Variants in GNG2 observed in about 807,000 individuals in gnomAD.
GNG2 encodes guanine nucleotide-binding protein G(I)/G(S)/G(O) subunit gamma-2.
In GNG2, 5 loss-of-function variants were observed where a neutral mutation model predicts 5.5. That is an observed-to-expected ratio of 0.91 (90% CI 0.48 to 1.92). The LOEUF is 1.92. Ranked by LOEUF, GNG2 falls within the 30% of genes most tolerant of loss-of-function variation. The probability of loss-of-function intolerance (pLI) is 0.01; values close to 1 mark genes in which losing one functional copy is unlikely to be tolerated. For missense variants in GNG2, 55 were observed against 88.4 expected, an observed-to-expected ratio of 0.62 and a Z score of 1.52; for synonymous variants, 28 against 32.0, an observed-to-expected ratio of 0.88 and a Z score of 0.42.
At chr14:51,896,943 A>C (rs2140171556) in intron 2 of GNG2, among the ~76,000 whole-genome samples, 1 of 152,360 alleles carries the variant, frequency 6.6e-6, no homozygotes, top group Non-Finnish European at 1.5e-5. Context: ...AAAAAGATGA[A>C]TATATGAATT....
chr14:51,908,044 T>A (rs1022048771), intron 2 of GNG2, among the ~76,000 whole-genome samples: 1 of 152,276 alleles, frequency 6.6e-6, no homozygotes, highest in Non-Finnish European at 1.5e-5. Flanking sequence ...AATAGTTTTG[T>A]GGATCTGGAA....
intron 2 of GNG2, among the ~76,000 whole-genome samples, chr14:51,931,741 G>A (rs1417822160): frequency 3.9e-5 from 6 of 152,294 alleles, no homozygotes; most frequent in African/African-American, 1.2e-4. Flanking sequence ...TGGTGAGAAC[G>A]TAAAATGGTT....
At chr14:51,916,674 T>G (rs980482983) in intron 2 of GNG2, among the ~76,000 whole-genome samples, 17 of 152,130 alleles carry the variant, frequency 1.1e-4, no homozygotes, top group Non-Finnish European at 7.4e-5. Flanking sequence ...GGTGGAGCAG[T>G]GCCAGGCTGC....
intron 2 of GNG2, among the ~76,000 whole-genome samples, chr14:51,848,609 A>G (rs1470139269): frequency 6.6e-6 from 1 of 152,200 alleles, no homozygotes; most frequent in African/African-American, 2.4e-5. Flanking sequence ...CTTCTCCTGC[A>G]GGAGGATGTT....
chr14:51,864,771 G>C (rs1448387941), intron 1 of GNG2, among the ~76,000 whole-genome samples: 1 of 152,164 alleles, frequency 6.6e-6, no homozygotes, highest in South Asian at 2.1e-4. Flanking sequence ...CAGAAAGGGA[G>C]GGGAGAAACT....
intron 2 of GNG2, among the ~76,000 whole-genome samples, chr14:51,906,382 AT>A (rs1278869419): frequency 6.6e-6 from 1 of 152,192 alleles, no homozygotes; most frequent in African/African-American, 2.4e-5. Context: ...GTAAATGTAA[AT>A]TTATTCCTGA....
At chr14:51,869,667 C>A (rs1566654503) in intron 1 of GNG2, among the ~76,000 whole-genome samples, 1 of 152,124 alleles carries the variant, frequency 6.6e-6, no homozygotes, top group African/African-American at 2.4e-5. Flanking sequence ...GTGTGTGCCA[C>A]CATGCCCAGC....
chr14:51,908,906 A>G (rs1886124061), intron 2 of GNG2, among the ~76,000 whole-genome samples: 1 of 151,934 alleles, frequency 6.6e-6, no homozygotes, highest in African/African-American at 2.4e-5. Context: ...CTTTGCTTTT[A>G]TAATGTAAAT....
chr14:51,957,739 T>C (rs1326523787), intron 3 of GNG2, among the ~76,000 whole-genome samples: 3 of 152,216 alleles, frequency 2.0e-5, no homozygotes, highest in African/African-American at 7.2e-5. Flanking sequence ...ATTTATTGCA[T>C]TGAGTTGTCC....
chr14:51,892,319 A>T (rs71422043), intron 2 of GNG2, among the ~76,000 whole-genome samples: 20,701 of 148,618 alleles, frequency 0.14, 1,974 homozygotes, highest in African/African-American at 0.27. Flanking sequence ...ATTTTATTTT[A>T]TTTTTTTTTT....
chr14:51,928,342 A>G (rs2091197018), intron 2 of GNG2, among the ~76,000 whole-genome samples: 1 of 152,050 alleles, frequency 6.6e-6, no homozygotes, highest in Non-Finnish European at 1.5e-5. Context: ...TCATGTTTTT[A>G]TTACCGGTGA....
chr14:51,913,224 G>A (rs1886395580), intron 2 of GNG2: 1 of 152,138 alleles, frequency 6.6e-6, no homozygotes, highest in Non-Finnish European at 1.5e-5. Context: ...GCATTAAAAA[G>A]TAGGCCGGGT....
intron 1 of GNG2, among the ~76,000 whole-genome samples, chr14:51,826,391 G>A (rs2140067082): frequency 6.6e-6 from 1 of 152,334 alleles, no homozygotes; most frequent in Admixed American, 6.5e-5. Context: ...GTAATCTAGA[G>A]ATTATTTAAA....
At chr14:51,953,389 G>A (rs1008942372) in intron 3 of GNG2, among the ~76,000 whole-genome samples, 9 of 152,090 alleles carry the variant, frequency 5.9e-5, no homozygotes, top group South Asian at 2.1e-4. Flanking sequence ...TATTATTGAC[G>A]CAAACAAGAT....
At chr14:51,834,179 G>A (rs1881273079) in intron 2 of GNG2, among the ~76,000 whole-genome samples, 1 of 152,230 alleles carries the variant, frequency 6.6e-6, no homozygotes, top group Non-Finnish European at 1.5e-5. Context: ...GCATTTTAAA[G>A]GCTGGCAGGA....
intron 1 of GNG2, among the ~76,000 whole-genome samples, chr14:51,877,372 T>C (rs1002731464): frequency 6.6e-6 from 1 of 152,230 alleles, no homozygotes; most frequent in African/African-American, 2.4e-5. Flanking sequence ...TCTTGCATGC[T>C]AGGAGATTTC....
chr14:51,900,015 A>G (rs914013170), intron 2 of GNG2, among the ~76,000 whole-genome samples: 1 of 152,160 alleles, frequency 6.6e-6, no homozygotes, highest in Non-Finnish European at 1.5e-5. Flanking sequence ...TAATTCTTTC[A>G]TGTATATACT....
At chr14:51,868,165 A>T (rs1450364930) in intron 1 of GNG2, among the ~76,000 whole-genome samples, 1 of 152,226 alleles carries the variant, frequency 6.6e-6, no homozygotes, top group African/African-American at 2.4e-5. Flanking sequence ...AATGTCTGCA[A>T]TGTGCCATGT....
At chr14:51,924,821 G>A (rs578085692) in intron 2 of GNG2, among the ~76,000 whole-genome samples, 149 of 152,266 alleles carry the variant, frequency 9.8e-4, no homozygotes, top group Non-Finnish European at 1.7e-3. Context: ...TCCTGTCCTC[G>A]TGCACGTCTG....
Sources: allele counts gnomAD v4.1 joint callset (sites outside exome capture counted in the v4.1 genomes callset), GRCh38; gene constraint gnomAD v4.1.1; transcripts MANE v1.5; gene names NCBI Gene and HGNC (gene_info 2026-07-23, HGNC 2026-07-21).